Variants in USP49 observed in about 807,000 individuals in gnomAD.
USP49 encodes ubiquitin specific peptidase 49.
A neutral mutation model predicts 58.6 loss-of-function variants in USP49; 24 were observed. That is an observed-to-expected ratio of 0.41 (90% CI 0.30 to 0.58). The LOEUF (loss-of-function observed/expected upper bound fraction) is 0.58. Among genes scored for constraint, USP49 ranks in the 20% least tolerant of loss-of-function variants. The pLI is 0.30. For synonymous variants in USP49, 408 were observed against 365.1 expected (o/e 1.12, Z -1.34); for missense variants, 703 against 866.1 (o/e 0.81, Z 2.36).
At chr6:41,808,954 C>G (rs756657173) in intron 3 of USP49, among the ~76,000 whole-genome samples, 12 of 151,990 alleles carry the variant, frequency 7.9e-5, no homozygotes, top group Non-Finnish European at 1.3e-4. Context: ...CTCTCTGTCA[C>G]CCAGCCTGGA....
chr6:41,874,482 C>G (rs1215540930), intron 2 of USP49, among the ~76,000 whole-genome samples: 3 of 152,166 alleles, frequency 2.0e-5, no homozygotes, highest in Non-Finnish European at 2.9e-5. Flanking sequence ...ACACTGATAA[C>G]AGTGTTTAAT....
chr6:41,867,032 G>A lies in USP49; in HGVS notation c.-29+4532C>T, dbSNP rs367789638. Among the ~76,000 whole-genome samples, 169 of 152,294 alleles carry A rather than the reference G, an allele frequency of 1.1e-3. 8 individuals carry two copies. The South Asian group carries it at 0.033, about 30-fold the overall frequency. On this transcript the variant is annotated intron_variant, in intron 3 of 7. Transcript: ENST00000682992. ...TACCTGCAACCACACTTATAGGAGGGCCAAGACATTTTATTAGTGTACTTG... is the reference window on the plus strand; with the variant it reads ...TACCTGCAACCACACTTATAGGAGGACCAAGACATTTTATTAGTGTACTTG...
chr6:41,820,006 G>A lies in USP49; in HGVS notation c.-28-12995C>T, dbSNP rs562043233. Among the ~76,000 whole-genome samples the A allele has an allele frequency of 1.4e-4, 22 of 152,250 alleles. 1 individual carries two copies. The highest frequency in any genetic ancestry group is 4.8e-4 in the African/African-American group (20 of 41,552). ...TAACAAATAAATGGCATGAAACAAAGGCAAGTGGGAGTGGATTTGCTCCAG... is the reference window on the plus strand; with the variant it reads ...TAACAAATAAATGGCATGAAACAAAAGCAAGTGGGAGTGGATTTGCTCCAG... On this transcript the variant is annotated intron_variant, in intron 3 of 7. Coordinates refer to ENST00000682992, the MANE Select transcript of USP49 (RefSeq NM_001286554.2).
chr6:41,805,254 T>C (rs1773088850), intron 4 of USP49, among the ~76,000 whole-genome samples: 1 of 152,154 alleles, frequency 6.6e-6, no homozygotes, highest in Admixed American at 6.5e-5. Context: ...TTTCAAACTA[T>C]TATGGAACCA....
intron 3 of USP49, among the ~76,000 whole-genome samples, chr6:41,843,387 C>G (rs114979636): frequency 1.7e-4 from 26 of 152,234 alleles, no homozygotes; most frequent in Admixed American, 1.1e-3. Flanking sequence ...TGCATCATCA[C>G]GTTGGCTTTG....
chr6:41,816,061 C>A (rs528757190), intron 3 of USP49, among the ~76,000 whole-genome samples: 27 of 152,348 alleles, frequency 1.8e-4, no homozygotes, highest in Admixed American at 1.6e-3. Flanking sequence ...GGCACAAATG[C>A]CTTGTTCCAT....
intron 3 of USP49, among the ~76,000 whole-genome samples, chr6:41,856,382 A>G (rs914247892): frequency 6.6e-6 from 1 of 152,140 alleles, no homozygotes; most frequent in Non-Finnish European, 1.5e-5. Flanking sequence ...CTCAAAAAAA[A>G]AAAAAAACTT....
intron 3 of USP49, among the ~76,000 whole-genome samples, chr6:41,818,672 G>A (rs1295533736): frequency 2.0e-5 from 3 of 152,134 alleles, no homozygotes; most frequent in African/African-American, 7.2e-5. Context: ...CCGCACCTTG[G>A]TCAGCTAACC....
intron 3 of USP49, among the ~76,000 whole-genome samples, chr6:41,846,847 G>C (rs1484218137): frequency 6.6e-6 from 1 of 152,186 alleles, no homozygotes; most frequent in Non-Finnish European, 1.5e-5. Context: ...CTTGTCTGGG[G>C]CTTCCTGAGA....
chr6:41,884,881 C>T (rs1206620010), intron 2 of USP49, among the ~76,000 whole-genome samples: 5 of 151,988 alleles, frequency 3.3e-5, no homozygotes, highest in Non-Finnish European at 7.4e-5. Context: ...TTTTACATAA[C>T]TTTTTTCATC....
chr6:41,857,901 C>G (rs1469025597), intron 3 of USP49, among the ~76,000 whole-genome samples: 2 of 152,212 alleles, frequency 1.3e-5, no homozygotes, highest in Admixed American at 6.5e-5. Flanking sequence ...ATGTTAAGTA[C>G]AGACACAGTC....
chr6:41,854,867 G>A (rs1049666885), intron 3 of USP49, among the ~76,000 whole-genome samples: 1 of 152,098 alleles, frequency 6.6e-6, no homozygotes, highest in African/African-American at 2.4e-5. Flanking sequence ...CCGCCTACCA[G>A]GTTCAAGTAA....
chr6:41,814,637 TAGG>T (rs1773317206), intron 3 of USP49, among the ~76,000 whole-genome samples: 1 of 145,314 alleles, frequency 6.9e-6, no homozygotes, highest in Non-Finnish European at 1.5e-5. Flanking sequence ...AAAAACAAAA[TAGG>T]GGGAAAAAAA....
chr6:41,816,758 C>G (rs894982534), intron 3 of USP49, among the ~76,000 whole-genome samples: 1 of 151,930 alleles, frequency 6.6e-6, no homozygotes, highest in Non-Finnish European at 1.5e-5. Context: ...TACTCAGTCA[C>G]CCAGGCTGGA....
chr6:41,801,222 G>C (rs927994355), intron 5 of USP49, among the ~76,000 whole-genome samples: 3 of 152,212 alleles, frequency 2.0e-5, no homozygotes, highest in Non-Finnish European at 4.4e-5. Context: ...TTGGTAAATG[G>C]ATGAGAGTAG....
intron 1 of USP49, among the ~76,000 whole-genome samples, chr6:41,892,917 C>T (rs992220168): frequency 6.6e-6 from 1 of 152,076 alleles, no homozygotes; most frequent in African/African-American, 2.4e-5. Flanking sequence ...AATGTAAAAG[C>T]TTCTGAAAAA....
At chr6:41,867,296 G>T (rs1174207102) in intron 3 of USP49, among the ~76,000 whole-genome samples, 1 of 152,062 alleles carries the variant, frequency 6.6e-6, no homozygotes, top group Non-Finnish European at 1.5e-5. Context: ...ACTTTCTGCT[G>T]ACTGTCACTC....
intron 5 of USP49, 47 bp from the exon 6 acceptor site, chr6:41,799,985 T>C (rs1276366641): frequency 6.5e-7 from 1 of 1,538,034 alleles, no homozygotes. Flanking sequence ...AGGAGTTTTT[T>C]CTAGCTATGG....
At chr6:41,849,195 A>T (rs1046499444) in intron 3 of USP49, among the ~76,000 whole-genome samples, 11 of 152,328 alleles carry the variant, frequency 7.2e-5, no homozygotes, top group Admixed American at 7.2e-4. Flanking sequence ...GATTTTAAAT[A>T]AAAAACTCTC....
Sources: allele counts gnomAD v4.1 joint callset (sites outside exome capture counted in the v4.1 genomes callset), GRCh38; gene constraint gnomAD v4.1.1; transcripts MANE v1.5; gene names NCBI Gene and HGNC (gene_info 2026-07-23, HGNC 2026-07-21).